Variants in RBFOX3 observed in about 807,000 individuals in gnomAD.
The protein encoded by RBFOX3 is RNA binding protein fox-1 homolog 3.
Under a neutral mutation model 48.7 loss-of-function variants are expected in RBFOX3, and 17 were observed. The ratio of observed to expected loss-of-function variants is 0.35; its 90% confidence interval spans 0.24 to 0.52. The LOEUF is 0.52. Ranked by LOEUF, RBFOX3 falls within the 20% of genes least tolerant of loss-of-function variation. The pLI, the probability that RBFOX3 is intolerant of heterozygous loss-of-function variation, is 0.94. For missense variants in RBFOX3, 382 were observed against 497.5 expected (o/e 0.77, Z 2.21); for synonymous variants, 212 against 209.5 (o/e 1.01, Z -0.10).
chr17:79,460,861 C>A (rs911846262), intron 2 of RBFOX3, among the ~76,000 whole-genome samples: 13 of 152,146 alleles, frequency 8.5e-5, no homozygotes, highest in African/African-American at 2.7e-4. Flanking sequence ...AAGCAAGGAC[C>A]AAGTAAATGT....
At chr17:79,188,557 A>G (rs1022413605) in intron 4 of RBFOX3, among the ~76,000 whole-genome samples, 4 of 152,200 alleles carry the variant, frequency 2.6e-5, no homozygotes, top group African/African-American at 9.6e-5. Context: ...CAGGAGTTGC[A>G]CAGGGTTGCA....
At chr17:79,510,265 C>T (rs782281004) in intron 1 of RBFOX3, among the ~76,000 whole-genome samples, 37,833 of 152,088 alleles carry the variant, frequency 0.25, 4,839 homozygotes, top group Non-Finnish European at 0.28. Flanking sequence ...CCGGGACTCT[C>T]GGCTCCCTGT....
rs1434089310 is a variant in RBFOX3, at chr17:79,572,350, TCTC to T, written c.-320+38473_-320+38475del. Among the ~76,000 whole-genome samples, 128 of 152,186 alleles carry T rather than the reference TCTC, an allele frequency of 8.4e-4. 4 individuals are homozygous for T. In the South Asian group the frequency reaches 0.019, roughly 22 times the overall value. ...AGTCCTTGGGGCACCTGGAGTGGCT[TCTC>T]CTCAGGCAAGGTCCCTGTGTCCAGG... On this transcript the variant is annotated intron_variant, in intron 1 of 14. Coordinates refer to ENST00000693108, the MANE Select transcript of RBFOX3 (RefSeq NM_001350451.2).
chr17:79,171,015 C>T (rs2049167934), intron 4 of RBFOX3, among the ~76,000 whole-genome samples: 1 of 152,194 alleles, frequency 6.6e-6, no homozygotes, highest in Non-Finnish European at 1.5e-5. Flanking sequence ...AGACACCTGC[C>T]TAGGTCTCCG....
At chr17:79,231,598 G>C (rs768187542) in intron 4 of RBFOX3, among the ~76,000 whole-genome samples, 4 of 152,100 alleles carry the variant, frequency 2.6e-5, no homozygotes, top group Admixed American at 2.6e-4. Context: ...ATTTAGCAAG[G>C]CTGCAGGACA....
the RBFOX3 span, among the ~76,000 whole-genome samples, chr17:79,625,715 C>G: frequency 1.3e-5 from 2 of 152,176 alleles, no homozygotes; most frequent in African/African-American, 4.8e-5. Flanking sequence ...TTGCTTGAAC[C>G]CGGGAGGTGG....
At chr17:79,303,817 GTGCATGTGTTTGTA>G (rs1215092433) in intron 3 of RBFOX3, among the ~76,000 whole-genome samples, 2 of 151,654 alleles carry the variant, frequency 1.3e-5, no homozygotes, top group African/African-American at 4.8e-5. Flanking sequence ...GGTACACAGT[GTGCATGTGTTTGTA>G]TGCATGTGTG....
At chr17:79,232,390 T>C (rs62062900) in intron 4 of RBFOX3, among the ~76,000 whole-genome samples, 86 of 152,154 alleles carry the variant, frequency 5.7e-4, no homozygotes, top group Middle Eastern at 3.2e-3. Context: ...TAGGAAGCCA[T>C]AACAATCACT....
intron 1 of RBFOX3, among the ~76,000 whole-genome samples, chr17:79,561,860 C>T (rs1286904796): frequency 3.9e-5 from 6 of 152,140 alleles, no homozygotes; most frequent in Admixed American, 6.5e-5. Flanking sequence ...CGGGCAGGAA[C>T]GCCCAGCAAA....
At chr17:79,278,949 C>G (rs370410690) in intron 3 of RBFOX3, among the ~76,000 whole-genome samples, 103 of 152,322 alleles carry the variant, frequency 6.8e-4, no homozygotes, top group African/African-American at 2.3e-3. Context: ...GCCTCTGCCT[C>G]TGTCATCCCA....
At chr17:79,176,978 G>T (rs1233887892) in intron 4 of RBFOX3, among the ~76,000 whole-genome samples, 1 of 152,174 alleles carries the variant, frequency 6.6e-6, no homozygotes, top group South Asian at 2.1e-4. Flanking sequence ...CTTCACGGAG[G>T]TCCCAGCTGC....
At chr17:79,493,720 A>G (rs2081034529) in intron 1 of RBFOX3, among the ~76,000 whole-genome samples, 1 of 152,238 alleles carries the variant, frequency 6.6e-6, no homozygotes, top group Admixed American at 6.5e-5. Context: ...ATTCACTACC[A>G]TAAACCAAGT....
At chr17:79,394,904 G>C (rs887970607) in intron 2 of RBFOX3, among the ~76,000 whole-genome samples, 1 of 152,222 alleles carries the variant, frequency 6.6e-6, no homozygotes, top group Admixed American at 6.5e-5. Flanking sequence ...CAACACAGGC[G>C]CTCGGGGCGT....
At chr17:79,251,975 C>T (rs983117065) in intron 3 of RBFOX3, among the ~76,000 whole-genome samples, 11 of 152,218 alleles carry the variant, frequency 7.2e-5, no homozygotes, top group Admixed American at 5.9e-4. Context: ...CTCTACCCAG[C>T]AGCCTCTTAC....
intron 2 of RBFOX3, among the ~76,000 whole-genome samples, chr17:79,326,871 C>T (rs1487746315): frequency 6.6e-6 from 1 of 152,372 alleles, no homozygotes; most frequent in African/African-American, 2.4e-5. Context: ...TTTGACACTA[C>T]TGAACCTGAC....
chr17:79,181,572 TG>T (rs1236063792), intron 4 of RBFOX3, among the ~76,000 whole-genome samples: 1 of 152,080 alleles, frequency 6.6e-6, no homozygotes, highest in Non-Finnish European at 1.5e-5. Context: ...ATGTCACAGG[TG>T]GTCCTGGGAA....
intron 2 of RBFOX3, among the ~76,000 whole-genome samples, chr17:79,450,265 C>T (rs1226321044): frequency 1.3e-5 from 2 of 152,206 alleles, no homozygotes; most frequent in Non-Finnish European, 2.9e-5. Flanking sequence ...GAGGCCATTT[C>T]CAATTTCAAT....
chr17:79,562,291 C>A (rs925323542), intron 1 of RBFOX3, among the ~76,000 whole-genome samples: 100 of 152,320 alleles, frequency 6.6e-4, no homozygotes, highest in African/African-American at 2.3e-3. Flanking sequence ...ACACACGGAG[C>A]TGAGTGCCTC....
At chr17:79,590,910 G>A (rs2093397525) in intron 1 of RBFOX3, among the ~76,000 whole-genome samples, 2 of 152,142 alleles carry the variant, frequency 1.3e-5, no homozygotes, top group African/African-American at 4.8e-5. Context: ...AATCTTCAAT[G>A]AACCCCAAGA....
Sources: gnomAD v4.1 joint callset for allele counts (sites outside exome capture counted in the v4.1 genomes callset) on GRCh38, gnomAD v4.1.1 for gene constraint, MANE v1.5 for transcripts, NCBI Gene and HGNC (gene_info 2026-07-23, HGNC 2026-07-21) for gene names.